ADGRL2: variants seen among roughly 807,000 people sequenced by gnomAD.
ADGRL2 encodes adhesion G protein-coupled receptor L2, also known as calcium-independent alpha-latrotoxin receptor 2.
Under a neutral mutation model 157.4 loss-of-function variants are expected in ADGRL2, and 44 were observed. The observed-to-expected ratio is 0.28, with a 90% CI of 0.22 to 0.36. The LOEUF is 0.36. ADGRL2 is among the 10% of genes least tolerant of loss of function. ADGRL2 has a pLI of 1.00. For synonymous variants in ADGRL2, 585 were observed against 624.7 expected (o/e 0.94, Z 0.95); for missense variants, 1,510 against 1,768.9 (o/e 0.85, Z 2.63).
intron 2 of ADGRL2, among the ~76,000 whole-genome samples, chr1:81,903,844 CACAT>C (rs1393743256): frequency 7.0e-6 from 1 of 142,880 alleles, no homozygotes; most frequent in Non-Finnish European, 1.5e-5. Flanking sequence ...CACACACACA[CACAT>C]ATTTGGTTGG....
At chr1:81,900,729 T>TA (rs1181053695) in intron 2 of ADGRL2, among the ~76,000 whole-genome samples, 1 of 152,152 alleles carries the variant, frequency 6.6e-6, no homozygotes, top group Admixed American at 6.6e-5. Context: ...TGGCAGCAAG[T>TA]AAATAACTGA....
At chr1:81,950,131 G>A (rs1166714747) in intron 6 of ADGRL2, 58 bp from the exon 7 acceptor site, 13 of 1,415,820 alleles carry the variant, frequency 9.2e-6, no homozygotes, top group Admixed American at 1.7e-5. Context: ...ATGTGTGCAT[G>A]ACTGTATGTG....
intron 1 of ADGRL2, among the ~76,000 whole-genome samples, chr1:81,357,717 G>A (rs75240878): frequency 0.013 from 2,004 of 152,188 alleles, 20 homozygotes; most frequent in Non-Finnish European, 0.021. Context: ...CAGGCTTGGG[G>A]GTAGAAGGTA....
At chr1:81,765,680 T>A (rs891565857) in intron 2 of ADGRL2, among the ~76,000 whole-genome samples, 1 of 152,026 alleles carries the variant, frequency 6.6e-6, no homozygotes, top group African/African-American at 2.4e-5. Flanking sequence ...TTGTACTTAA[T>A]GAATAAAGGT....
chr1:81,658,712 A>G (rs1218315775), intron 3 of ADGRL2, among the ~76,000 whole-genome samples: 1 of 151,914 alleles, frequency 6.6e-6, no homozygotes, highest in East Asian at 1.9e-4. Flanking sequence ...TTTAATTCCT[A>G]CTGTTAATAT....
At chr1:81,499,065 T>C (rs1303622067) in intron 2 of ADGRL2, among the ~76,000 whole-genome samples, 1 of 152,228 alleles carries the variant, frequency 6.6e-6, no homozygotes, top group East Asian at 1.9e-4. Context: ...AGGCACAGGA[T>C]AATAAAGACA....
intron 2 of ADGRL2, among the ~76,000 whole-genome samples, chr1:81,571,169 A>G (rs1438181618): frequency 1.3e-5 from 2 of 151,844 alleles, no homozygotes; most frequent in Non-Finnish European, 2.9e-5. Context: ...TACTATAAAT[A>G]CAAAAATTAG....
At chr1:81,930,480 T>C (rs1282884570) in intron 3 of ADGRL2, among the ~76,000 whole-genome samples, 1 of 152,198 alleles carries the variant, frequency 6.6e-6, no homozygotes, top group Admixed American at 6.5e-5. Flanking sequence ...CCTGAGAACA[T>C]TGATTACATC....
chr1:81,317,745 A>T (rs1003657030), intron 1 of ADGRL2, among the ~76,000 whole-genome samples: 1 of 152,208 alleles, frequency 6.6e-6, no homozygotes, highest in African/African-American at 2.4e-5. Flanking sequence ...TTTTTGAAAC[A>T]ATCATTTGTA....
At chr1:81,615,557 G>A (rs562610483) in intron 3 of ADGRL2, among the ~76,000 whole-genome samples, 38 of 152,166 alleles carry the variant, frequency 2.5e-4, no homozygotes, top group African/African-American at 5.1e-4. Flanking sequence ...AACAAACTCC[G>A]GACACACCAT....
chr1:81,952,106 T>G lies in ADGRL2; in HGVS notation c.1758T>G (p.Pro586=). The G allele has an allele frequency of 6.2e-7, 1 of 1,612,814 alleles. No homozygotes were observed. Among genetic ancestry groups the G allele is most frequent in the Non-Finnish European group, 8.5e-7 (1 of 1,179,312 alleles). Residue 586 remains proline, a synonymous_variant, in exon 9 of 24, where the codon CCT becomes CCG. Coordinates refer to ENST00000686636, the MANE Select transcript of ADGRL2 (RefSeq NM_001366006.2). ...ATGCACAGCTGCAGGAACTGAAACC[T>G]AGTGAAAAAGATTCAGCTGGACGGA... is the stretch of plus-strand genomic sequence containing the variant. ...ILDAQLQELK[P]SEKDSAGRSY...
At chr1:81,811,765 G>A (rs571720242) in intron 1 of ADGRL2, among the ~76,000 whole-genome samples, 2 of 151,562 alleles carry the variant, frequency 1.3e-5, no homozygotes, top group African/African-American at 4.8e-5. Context: ...AGTTAGCACT[G>A]CATTCATTTA....
At chr1:81,396,421 A>G (rs112406949) in intron 1 of ADGRL2, among the ~76,000 whole-genome samples, 15 of 152,284 alleles carry the variant, frequency 9.9e-5, no homozygotes, top group African/African-American at 3.6e-4. Context: ...GGTTTTCTGT[A>G]TATATGACCA....
At chr1:81,660,396 CTG>C (rs1380602578) in intron 3 of ADGRL2, among the ~76,000 whole-genome samples, 1 of 152,154 alleles carries the variant, frequency 6.6e-6, no homozygotes, top group Admixed American at 6.6e-5. Flanking sequence ...GAGGTACAAT[CTG>C]TGACTCTGAG....
chr1:81,673,668 C>A lies in ADGRL2; in HGVS notation c.-142-88143C>A, dbSNP rs370248572. On this transcript the variant is annotated intron_variant, in intron 3 of 24. Coordinates refer to the ADGRL2 transcript ENST00000370721. ...GAGCTGGGACTACAGGCGCCCACCA[C>A]CACGCCCAGCTAATTTTTTTGTATT... is the stretch of plus-strand genomic sequence containing the variant. 4.0e-4 allele frequency among the ~76,000 whole-genome samples: 61 copies of A among 152,102 alleles called. No individual in the cohort carries two copies. In the East Asian group the frequency reaches 0.012, roughly 29 times the overall value.
chr1:81,404,767 A>G (rs1344316194), intron 1 of ADGRL2, among the ~76,000 whole-genome samples: 1 of 152,026 alleles, frequency 6.6e-6, no homozygotes, highest in Non-Finnish European at 1.5e-5. Flanking sequence ...CTTTTCCTTC[A>G]TTTCTTACTC....
intron 1 of ADGRL2, among the ~76,000 whole-genome samples, chr1:81,748,896 G>C (rs1042312844): frequency 6.6e-6 from 1 of 151,988 alleles, no homozygotes; most frequent in Non-Finnish European, 1.5e-5. Context: ...TTGAACTCCT[G>C]ACCTCAGGTG....
chr1:81,402,863 GATT>G (rs1455709161), intron 1 of ADGRL2, among the ~76,000 whole-genome samples: 3 of 152,122 alleles, frequency 2.0e-5, no homozygotes, highest in Non-Finnish European at 4.4e-5. Flanking sequence ...GAGTTTTGTT[GATT>G]AATAAGGCAA....
intron 6 of ADGRL2, among the ~76,000 whole-genome samples, chr1:81,946,245 G>A (rs1220352712): frequency 1.3e-5 from 2 of 150,650 alleles, no homozygotes; most frequent in African/African-American, 4.9e-5. Flanking sequence ...ATTGTGGACT[G>A]TTTAATAATA....
Sources: allele counts gnomAD v4.1 joint callset (sites outside exome capture counted in the v4.1 genomes callset), GRCh38; gene constraint gnomAD v4.1.1; transcripts MANE v1.5; gene names NCBI Gene and HGNC (gene_info 2026-07-23, HGNC 2026-07-21).